Variants in LBP observed in about 807,000 individuals in gnomAD.
LBP encodes lipopolysaccharide binding protein.
A neutral mutation model predicts 56.6 loss-of-function variants in LBP; 53 were observed. The ratio of observed to expected loss-of-function variants is 0.94; its 90% CI spans 0.75 to 1.18. The LOEUF (loss-of-function observed/expected upper bound fraction) is 1.18. LBP is among the 50% of genes most tolerant of loss of function. LBP has a pLI of 0.00. For synonymous variants in LBP, 227 were observed against 247.5 expected, an observed-to-expected ratio of 0.92 and a Z score of 0.78; for missense variants, 601 against 598.3, an observed-to-expected ratio of 1.00 and a Z score of -0.05.
chr20:38,367,811 A>G (rs1031025765), intron 9 of LBP, among the ~76,000 whole-genome samples: 2 of 152,192 alleles, frequency 1.3e-5, no homozygotes, highest in African/African-American at 2.4e-5. Flanking sequence ...TTTTCCACGA[A>G]TAGCCTCCTA....
chr20:38,348,787 A>AGTTTAGTTTAGTTTAGTTTTGTTTT (rs1402944274), intron 1 of LBP, among the ~76,000 whole-genome samples: 26 of 135,412 alleles, frequency 1.9e-4, no homozygotes, highest in Non-Finnish European at 3.1e-4. Flanking sequence ...AGTTTAGTTT[A>AGTTTAGTTTAGTTTAGTTTTGTTTT]GTTTTGTTTT....
intron 1 of LBP, among the ~76,000 whole-genome samples, chr20:38,349,307 G>A (rs139353276): frequency 7.9e-5 from 12 of 152,286 alleles, no homozygotes; most frequent in Admixed American, 6.5e-4. Context: ...GTTGGCAAAG[G>A]CATTCCATTT....
rs554167043 is a variant in LBP at position 38,354,459 on chromosome 20, C to T, written c.524+20C>T. On this transcript the variant is annotated intron_variant, in intron 4 of 14. Transcript: ENST00000217407. ...CTTGGGGTAGGTCTCCATCGGGGCA[C>T]TGCCAGCTGGACTCCTGGTTGCAGC... The T allele has an allele frequency of 2.1e-5, 34 of 1,595,072 alleles. No individual in the cohort carries two copies. The highest frequency in any genetic ancestry group is 2.8e-5 in the Non-Finnish European group (33 of 1,169,450).
At chr20:38,353,492 T>C (rs983729460) in intron 3 of LBP, among the ~76,000 whole-genome samples, 76 of 144,736 alleles carry the variant, frequency 5.3e-4, no homozygotes, top group African/African-American at 1.9e-3. Context: ...TTTTTTTTTT[T>C]TTTTTTTTTT....
intron 4 of LBP, among the ~76,000 whole-genome samples, chr20:38,355,057 G>A (rs926605808): frequency 3.3e-5 from 5 of 152,192 alleles, no homozygotes; most frequent in Non-Finnish European, 7.4e-5. Flanking sequence ...ACTCCAGCCT[G>A]GGTGACAAGG....
chr20:38,371,272 C>A lies in LBP; in HGVS notation c.1218-8C>A. The A allele has an allele frequency of 6.2e-7, 1 of 1,610,456 alleles. No homozygotes were observed. On this transcript the variant is annotated splice_region_variant and splice_polypyrimidine_tract_variant and intron_variant, in intron 11 of 14. Transcript: ENST00000217407. ...CCACACCTTTTAATCTTCTCTGATT[C>A]ATTACAGGGTAAAAGTGGAACTGAA...
At chr20:38,364,502 G>A in intron 7 of LBP, 74 bp from the exon 8 acceptor site, 1 of 1,399,418 alleles carries the variant, frequency 7.1e-7, no homozygotes, top group East Asian at 2.3e-5. Context: ...TCATCGGACT[G>A]TGTAGGGGAA....
intron 1 of LBP, 61 bp from the exon 2 acceptor site, chr20:38,349,487 G>A: frequency 7.7e-7 from 1 of 1,302,346 alleles, no homozygotes; most frequent in Non-Finnish European, 1.1e-6. Context: ...CCACCGTAGG[G>A]TTTAGAGCAG....
At chr20:38,367,022 A>C (rs1453965094) in intron 9 of LBP, among the ~76,000 whole-genome samples, 194 bp downstream of exon 9, 1 of 152,222 alleles carries the variant, frequency 6.6e-6, no homozygotes, top group East Asian at 1.9e-4. Context: ...GTGGGACCAC[A>C]GCTTGTCCAA....
intron 5 of LBP, among the ~76,000 whole-genome samples, chr20:38,359,068 T>C (rs1463654400): frequency 6.6e-6 from 1 of 152,204 alleles, no homozygotes; most frequent in East Asian, 1.9e-4. Flanking sequence ...CCAGGTTTCT[T>C]TAACTGCAAT....
chr20:38,366,369 G>A (rs1199003772), intron 8 of LBP, among the ~76,000 whole-genome samples: 2 of 152,210 alleles, frequency 1.3e-5, no homozygotes, highest in Non-Finnish European at 2.9e-5. Flanking sequence ...GCTGGGCCTT[G>A]TGCTAGGATG....
chr20:38,376,462 T>G (rs1331587056), intron 14 of LBP, among the ~76,000 whole-genome samples, 163 bp from the exon 15 acceptor site: 2 of 152,138 alleles, frequency 1.3e-5, no homozygotes, highest in African/African-American at 4.8e-5. Flanking sequence ...GAGCTGTGCT[T>G]TACGGAGAGC....
intron 9 of LBP, among the ~76,000 whole-genome samples, chr20:38,367,171 T>G (rs566707678): frequency 2.6e-5 from 4 of 152,276 alleles, no homozygotes; most frequent in East Asian, 1.9e-4. Flanking sequence ...AATTATTTTT[T>G]GGCCAGGCAT....
chr20:38,373,271 C>A, intron 13 of LBP, 136 bp downstream of exon 13: 1 of 714,418 alleles, frequency 1.4e-6, no homozygotes, highest in Non-Finnish European at 2.4e-6. Flanking sequence ...AGCTTAGTGA[C>A]CTGCCTGTGA....
chr20:38,358,560 A>G (rs1320282069), intron 5 of LBP, among the ~76,000 whole-genome samples: 3 of 152,164 alleles, frequency 2.0e-5, no homozygotes, highest in African/African-American at 4.8e-5. Flanking sequence ...AATGTTCCTC[A>G]CCACACTTGA....
In LBP at chr20:38,376,960, C is replaced by T. The variant is rs535618996; in HGVS notation, c.*291C>T. 3.5e-6 allele frequency: 2 copies of T among 568,772 alleles called. No individual in the cohort carries two copies. The highest frequency in any genetic ancestry group is 6.7e-6 in the Non-Finnish European group (2 of 299,712). 35.2% of individuals were successfully genotyped at this position (568,772 alleles called of 1,614,324 possible). On this transcript the variant is annotated 3_prime_UTR_variant, in exon 15 of 15. Coordinates refer to ENST00000217407, the MANE Select transcript of LBP (RefSeq NM_004139.5). ...TTTATTCGCCATCTGATCCCCATGC[C>T]TAGCAGAGTGCTGGCACTTAGTAGG...
intron 12 of LBP, among the ~76,000 whole-genome samples, chr20:38,372,411 G>T (rs910615670): frequency 1.3e-5 from 2 of 152,288 alleles, no homozygotes; most frequent in Admixed American, 6.5e-5. Context: ...CACTCATATT[G>T]TATCTGTGCG....
In LBP at chr20:38,367,074, A is replaced by G. The variant is rs73287216; in HGVS notation, c.981+246A>G. On this transcript the variant is annotated intron_variant, in intron 9 of 14. Coordinates refer to ENST00000217407, the MANE Select transcript of LBP (RefSeq NM_004139.5). The stretch of plus-strand genomic sequence containing the variant: ...TCTAAGAATCCCAAGGAATGCTGGC[A>G]TAGTCCATAAAATGTACCCTAATGA... Among the ~76,000 whole-genome samples, 792 of 152,328 alleles carry G rather than the reference A, an allele frequency of 5.2e-3. 6 individuals carry two copies. The highest frequency in any genetic ancestry group is 0.018 in the African/African-American group (751 of 41,584).
At chr20:38,354,658 G>A (rs2076832320) in intron 4 of LBP, among the ~76,000 whole-genome samples, 2 of 151,910 alleles carry the variant, frequency 1.3e-5, no homozygotes, top group South Asian at 4.2e-4. Context: ...ACCTGACAAG[G>A]GGACCCTTGT....
Sources: allele counts gnomAD v4.1 joint callset (sites outside exome capture counted in the v4.1 genomes callset), GRCh38; gene constraint gnomAD v4.1.1; transcripts MANE v1.5; gene names NCBI Gene and HGNC (gene_info 2026-07-23, HGNC 2026-07-21).